The following ZNF704 variants were observed in gnomAD, a reference collection of about 807,000 sequenced individuals.
ZNF704 encodes glucocorticoid induced gene 1.
In ZNF704, 10 loss-of-function variants were observed where a neutral mutation model predicts 44.7. That is an observed-to-expected ratio of 0.22 (90% CI 0.14 to 0.38). ZNF704 has a LOEUF of 0.38. Ranked by LOEUF, ZNF704 falls within the 10% of genes least tolerant of loss-of-function variation. ZNF704 has a pLI of 1.00. For synonymous variants in ZNF704, 211 were observed against 207.6 expected (o/e 1.02, Z -0.14); for missense variants, 390 against 545.5 (o/e 0.71, Z 2.84).
chr8:80,745,640 T>A (rs941982273), intron 2 of ZNF704, among the ~76,000 whole-genome samples: 11 of 152,208 alleles, frequency 7.2e-5, no homozygotes, highest in Non-Finnish European at 1.3e-4. Context: ...AAAACATGCA[T>A]ATCACAAGGG....
rs566099348 is a variant in ZNF704 at position 80,821,062 on chromosome 8, T to C, written c.221+312A>G. On this transcript the variant is annotated intron_variant, in intron 2 of 8. Transcript: ENST00000327835. Reference sequence around the variant, plus strand: ...AGTGGCTACAGTCCTACTTAATGTATGCTCAGTCCTCTATATGATGTTTCA... The same window carrying C: ...AGTGGCTACAGTCCTACTTAATGTACGCTCAGTCCTCTATATGATGTTTCA... 7.2e-5 allele frequency among the ~76,000 whole-genome samples: 11 copies of C among 152,386 alleles called. No individual in the cohort carries two copies. In the East Asian group the frequency reaches 2.1e-3, roughly 29 times the overall value.
intron 1 of ZNF704, among the ~76,000 whole-genome samples, chr8:80,826,860 A>C (rs1159834336): frequency 1.3e-5 from 2 of 152,182 alleles, no homozygotes; most frequent in Non-Finnish European, 2.9e-5. Context: ...AAAGGCCTTT[A>C]ACAAAATTCA....
chr8:80,795,895 T>C (rs1807793055), intron 2 of ZNF704, among the ~76,000 whole-genome samples: 1 of 152,206 alleles, frequency 6.6e-6, no homozygotes, highest in African/African-American at 2.4e-5. Context: ...GAACTAAAAT[T>C]AGCCCTTAGA....
At chr8:80,829,817 C>T (rs772106436) in intron 1 of ZNF704, among the ~76,000 whole-genome samples, 6 of 151,904 alleles carry the variant, frequency 3.9e-5, no homozygotes, top group South Asian at 2.1e-4. Flanking sequence ...AGCAATGTAA[C>T]GGATTTTAAA....
chr8:80,803,673 A>G (rs1807939028), intron 2 of ZNF704, among the ~76,000 whole-genome samples: 1 of 152,238 alleles, frequency 6.6e-6, no homozygotes, highest in Non-Finnish European at 1.5e-5. Context: ...CACCATATAC[A>G]AAAATTAATT....
intron 1 of ZNF704, among the ~76,000 whole-genome samples, chr8:80,862,876 C>T (rs1195814953): frequency 6.6e-6 from 1 of 151,486 alleles, no homozygotes; most frequent in Non-Finnish European, 1.5e-5. Flanking sequence ...ACCAGCCACT[C>T]ATGTCATAAG....
intron 5 of ZNF704, among the ~76,000 whole-genome samples, chr8:80,665,685 G>C (rs918752728): frequency 6.6e-6 from 1 of 151,938 alleles, no homozygotes; most frequent in African/African-American, 2.4e-5. Context: ...TCTGAAAACA[G>C]AGATTTAAAA....
At chr8:80,792,267 T>C (rs772578906) in intron 2 of ZNF704, among the ~76,000 whole-genome samples, 19 of 151,950 alleles carry the variant, frequency 1.3e-4, no homozygotes, top group Non-Finnish European at 2.2e-4. Context: ...CTGTTAGAAA[T>C]GCAAATTTGA....
At chr8:80,658,546 A>T (rs1414451571) in intron 7 of ZNF704, 1 of 152,234 alleles carries the variant, frequency 6.6e-6, no homozygotes, top group Non-Finnish European at 1.5e-5. Context: ...AGTTACCACT[A>T]TTCAATGAAA....
chr8:80,809,398 A>G (rs1808046837), intron 2 of ZNF704, among the ~76,000 whole-genome samples: 1 of 152,248 alleles, frequency 6.6e-6, no homozygotes, highest in South Asian at 2.1e-4. Flanking sequence ...ATGACCTTGT[A>G]AGATGTTACT....
chr8:80,683,529 G>C (rs1227592908), intron 4 of ZNF704, among the ~76,000 whole-genome samples: 1 of 152,128 alleles, frequency 6.6e-6, no homozygotes, highest in African/African-American at 2.4e-5. Context: ...AGGAAATATG[G>C]ATTCACTGAA....
Position 80,630,889 on chromosome 8 carries a change from A to C in ZNF704, c.*10477T>G, listed in dbSNP as rs57274169. On this transcript the variant is annotated 3_prime_UTR_variant, in exon 9 of 9. Coordinates refer to ENST00000327835, the MANE Select transcript of ZNF704 (RefSeq NM_001033723.3). Reference sequence around the variant, plus strand: ...AATATTGATTCAGGGATTTTTTTTAAAAAAAACATGTATGATCCACATTCC... The same window carrying C: ...AATATTGATTCAGGGATTTTTTTTACAAAAAACATGTATGATCCACATTCC... 8 of 152,044 alleles carry C rather than the reference A, an allele frequency of 5.3e-5. No homozygotes were observed. 9.4% of individuals were successfully genotyped at this position (152,044 alleles called of 1,614,324 possible).
At chr8:80,737,662 T>A (rs1182966606) in intron 2 of ZNF704, among the ~76,000 whole-genome samples, 1 of 152,220 alleles carries the variant, frequency 6.6e-6, no homozygotes, top group Non-Finnish European at 1.5e-5. Context: ...TGTGAACATA[T>A]GTTTTTAAAA....
Position 80,777,036 on chromosome 8 carries a change from C to G in ZNF704, c.221+44338G>C, listed in dbSNP as rs1273213219. ...CATTCACTGTAATTCTGCATTTTTT[C>G]TTTTTATATTTATTTATTTATAAAA... On this transcript the variant is annotated intron_variant, in intron 2 of 8. Transcript: ENST00000327835. 3 of 151,942 alleles carry G rather than the reference C, an allele frequency of 2.0e-5. No homozygotes were observed. In the East Asian group the frequency reaches 5.8e-4, roughly 29 times the overall value. The allele number at this position is 151,942 out of a possible 1,614,324, so 9.4% of individuals were successfully genotyped here.
chr8:80,683,435 TCTGCACCCTTG>T (rs1818485379), intron 4 of ZNF704, among the ~76,000 whole-genome samples: 3 of 152,236 alleles, frequency 2.0e-5, no homozygotes, highest in African/African-American at 4.8e-5. Flanking sequence ...TTCTGAACTT[TCTGCACCCTTG>T]CTCCCACCCT....
chr8:80,696,858 G>A (rs1818734998), intron 2 of ZNF704, among the ~76,000 whole-genome samples: 1 of 152,186 alleles, frequency 6.6e-6, no homozygotes, highest in African/African-American at 2.4e-5. Flanking sequence ...TACCCTAGGG[G>A]ACGCTGAACA....
chr8:80,641,281 G>T lies in ZNF704; in HGVS notation c.*85C>A. 2.3e-6 allele frequency: 2 copies of T among 858,964 alleles called. No homozygotes were observed. The highest frequency in any genetic ancestry group is 1.8e-6 in the Non-Finnish European group (1 of 564,412). 53.2% of individuals were successfully genotyped at this position (858,964 alleles called of 1,614,324 possible). ...CCTGGCTTCAACTGTGTTTTATTCAGTAGGAAAAGCTCTTTCCAACACCTG... is the reference window on the plus strand; with the variant it reads ...CCTGGCTTCAACTGTGTTTTATTCATTAGGAAAAGCTCTTTCCAACACCTG... On this transcript the variant is annotated 3_prime_UTR_variant, in exon 9 of 9. Coordinates refer to ENST00000327835, the MANE Select transcript of ZNF704 (RefSeq NM_001033723.3).
chr8:80,649,839 A>G (rs890304104), intron 7 of ZNF704, among the ~76,000 whole-genome samples: 1 of 152,244 alleles, frequency 6.6e-6, no homozygotes, highest in South Asian at 2.1e-4. Context: ...ACGCAGCTGG[A>G]GATCTGAGGA....
At chr8:80,883,074 CAAAAAAAAA>C in the ZNF704 span, among the ~76,000 whole-genome samples, 1 of 43,212 alleles carries the variant, frequency 2.3e-5, no homozygotes, top group Non-Finnish European at 4.6e-5. Context: ...CCTGTCTCTA[CAAAAAAAAA>C]AAAAAAAAAA....
Sources: allele counts gnomAD v4.1 joint callset (sites outside exome capture counted in the v4.1 genomes callset), GRCh38; gene constraint gnomAD v4.1.1; transcripts MANE v1.5; gene names NCBI Gene and HGNC (gene_info 2026-07-23, HGNC 2026-07-21).